The following NRXN1 variants were observed in gnomAD, a reference collection of about 807,000 sequenced individuals.
NRXN1 encodes neurexin-1.
In NRXN1, 39 loss-of-function variants were observed where a neutral mutation model predicts 150.9. That is an observed-to-expected ratio of 0.26 (90% CI 0.20 to 0.34). The LOEUF (loss-of-function observed/expected upper bound fraction) is 0.34, where lower values mean the gene tolerates loss of function less well. NRXN1 is among the 10% of genes least tolerant of loss of function. The probability of loss-of-function intolerance (pLI) is 1.00; values close to 1 mark genes in which losing one functional copy is unlikely to be tolerated. For missense variants in NRXN1, 1,815 were observed against 1,949.9 expected, an observed-to-expected ratio of 0.93 and a Z score of 1.30; for synonymous variants, 924 against 757.0, an observed-to-expected ratio of 1.22 and a Z score of -3.62.
chr2:50,868,107 G>GTGTC (rs1166267842), intron 5 of NRXN1, among the ~76,000 whole-genome samples: 1 of 130,618 alleles, frequency 7.7e-6, no homozygotes, highest in African/African-American at 2.8e-5. Flanking sequence ...ATCAACCTAT[G>GTGTC]TGTCCATCAC....
chr2:50,595,894 T>C (rs1675121103), intron 8 of NRXN1, among the ~76,000 whole-genome samples: 1 of 152,226 alleles, frequency 6.6e-6, no homozygotes, highest in South Asian at 2.1e-4. Flanking sequence ...AAAGCTTTAA[T>C]GTAAGAATAA....
chr2:50,620,231 T>A, intron 7 of NRXN1, 48 bp from the exon 8 acceptor site: 2 of 1,576,928 alleles, frequency 1.3e-6, no homozygotes, highest in Non-Finnish European at 1.7e-6. Flanking sequence ...CAGACCTAGA[T>A]ACTGTAATCC....
intron 17 of NRXN1, among the ~76,000 whole-genome samples, chr2:50,430,058 T>G (rs1368810925): frequency 6.6e-6 from 1 of 152,134 alleles, no homozygotes; most frequent in African/African-American, 2.4e-5. Flanking sequence ...AAACTAAAAT[T>G]TGAGAGTGGG....
At chr2:50,719,156 TCA>T (rs1696281710) in intron 5 of NRXN1, among the ~76,000 whole-genome samples, 1 of 151,788 alleles carries the variant, frequency 6.6e-6, no homozygotes, top group Admixed American at 6.6e-5. Flanking sequence ...CCTTCAACTA[TCA>T]CACATGTTTG....
chr2:50,826,251 C>A (rs1383317818), intron 5 of NRXN1, among the ~76,000 whole-genome samples: 1 of 152,008 alleles, frequency 6.6e-6, no homozygotes, highest in Non-Finnish European at 1.5e-5. Flanking sequence ...ATGACAAGAA[C>A]AAGCTAGTCA....
At chr2:50,628,259 G>A (rs528277548) in intron 5 of NRXN1, among the ~76,000 whole-genome samples, 1 of 151,812 alleles carries the variant, frequency 6.6e-6, no homozygotes, top group East Asian at 1.9e-4. Context: ...GGGTGTTGAT[G>A]TATTTTTAAC....
chr2:50,764,582 C>T lies in NRXN1; in HGVS notation c.833-140967G>A, dbSNP rs572543824. On this transcript the variant is annotated intron_variant, in intron 5 of 22. Coordinates refer to ENST00000401669, the MANE Select transcript of NRXN1 (RefSeq NM_001330078.2). ...ATTCCCCATGTGGTTATATGCTTAT[C>T]GTTATACCCATTTTGTAGATGAGGA... is the stretch of plus-strand genomic sequence containing the variant. Among the ~76,000 whole-genome samples, 69 of 152,028 alleles carry T rather than the reference C, an allele frequency of 4.5e-4. No individual in the cohort carries two copies. The Middle Eastern group carries it at 0.02, about 45-fold the overall frequency.
intron 18 of NRXN1, among the ~76,000 whole-genome samples, chr2:50,110,234 T>C (rs984138239): frequency 5.3e-5 from 8 of 151,976 alleles, no homozygotes; most frequent in African/African-American, 1.7e-4. Context: ...CTCAGGCCTG[T>C]AATCCCAGCA....
intron 12 of NRXN1, among the ~76,000 whole-genome samples, chr2:50,514,617 T>A (rs1401829254): frequency 3.3e-5 from 5 of 152,228 alleles, no homozygotes; most frequent in Non-Finnish European, 7.3e-5. Flanking sequence ...TGTTCACCAT[T>A]GCAACTCTTC....
chr2:50,454,329 GT>G, intron 17 of NRXN1, among the ~76,000 whole-genome samples: 1 of 151,854 alleles, frequency 6.6e-6, no homozygotes, highest in African/African-American at 2.4e-5. Flanking sequence ...CCATCTCGAA[GT>G]AAATAAATAA....
At chr2:50,426,536 C>CA (rs1471249785) in intron 17 of NRXN1, among the ~76,000 whole-genome samples, 1 of 152,202 alleles carries the variant, frequency 6.6e-6, no homozygotes, top group Non-Finnish European at 1.5e-5. Context: ...CCTCCCAGTA[C>CA]ATGGTGACAT....
At chr2:50,265,392 G>C (rs2068730169) in intron 17 of NRXN1, among the ~76,000 whole-genome samples, 1 of 152,076 alleles carries the variant, frequency 6.6e-6, no homozygotes, top group Non-Finnish European at 1.5e-5. Context: ...ATATATTATA[G>C]GTGCACCATC....
At chr2:50,645,879 C>A (rs1317225985) in intron 5 of NRXN1, among the ~76,000 whole-genome samples, 1 of 151,828 alleles carries the variant, frequency 6.6e-6, no homozygotes, top group Non-Finnish European at 1.5e-5. Context: ...GGAGAGAAAG[C>A]AGATAGTAAA....
At chr2:50,919,352 G>C (rs1685663498) in intron 5 of NRXN1, 1 of 151,668 alleles carries the variant, frequency 6.6e-6, no homozygotes, top group Non-Finnish European at 1.5e-5. Flanking sequence ...TTATCAAAAG[G>C]CATGTTCTTT....
intron 15 of NRXN1, among the ~76,000 whole-genome samples, chr2:50,480,027 C>A (rs2090342141): frequency 6.6e-6 from 1 of 152,118 alleles, no homozygotes; most frequent in Admixed American, 6.5e-5. Flanking sequence ...CCCGCCTTGG[C>A]CTCCCAAAGT....
intron 5 of NRXN1, among the ~76,000 whole-genome samples, chr2:50,776,592 T>C (rs1430018803): frequency 6.6e-6 from 1 of 151,030 alleles, no homozygotes; most frequent in Admixed American, 6.6e-5. Flanking sequence ...TTATATGTAT[T>C]ATATATGAAA....
intron 2 of NRXN1, among the ~76,000 whole-genome samples, chr2:50,972,726 T>C (rs1695201060): frequency 6.6e-6 from 1 of 152,026 alleles, no homozygotes; most frequent in African/African-American, 2.4e-5. Context: ...ATCCCTCACA[T>C]GCACAGGTCA....
intron 5 of NRXN1, among the ~76,000 whole-genome samples, chr2:50,776,945 G>A (rs1050685503): frequency 7.9e-5 from 12 of 152,118 alleles, no homozygotes; most frequent in African/African-American, 2.9e-4. Flanking sequence ...CTCAAAGCAC[G>A]TAAGTACATG....
In NRXN1 at chr2:50,346,823, C is replaced by T. The variant is rs767075412; in HGVS notation, c.3365-109853G>A. 4 of 1,612,356 alleles carry T rather than the reference C, an allele frequency of 2.5e-6. No individual in the cohort carries two copies. In the South Asian group the frequency reaches 3.3e-5, roughly 13 times the overall value. On this transcript the variant is annotated intron_variant, in intron 17 of 22. Coordinates refer to ENST00000401669, the MANE Select transcript of NRXN1 (RefSeq NM_001330078.2). The surrounding 1 kb of genome is among the most constrained non-coding windows in gnomAD (Gnocchi z 5.0). ...GCCCCCCACGCCACTCCTAGGAGGC[C>T]GCTGAGGGTGAGCGGGACTATCCAA... is the stretch of plus-strand genomic sequence containing the variant.
Sources: allele counts gnomAD v4.1 joint callset (sites outside exome capture counted in the v4.1 genomes callset), GRCh38; gene constraint gnomAD v4.1.1; non-coding constraint Gnocchi (gnomAD v3.1); transcripts MANE v1.5; gene names NCBI Gene and HGNC (gene_info 2026-07-23, HGNC 2026-07-21).